The following STK3 variants were observed in gnomAD, a reference collection of about 807,000 sequenced individuals.
STK3 encodes serine/threonine kinase 3.
Under a neutral mutation model 58.0 loss-of-function variants are expected in STK3, and 41 were observed. The observed-to-expected ratio is 0.71, with a 90% CI of 0.55 to 0.92. STK3 has a LOEUF of 0.92. Among genes scored for constraint, STK3 ranks in the 40% least tolerant of loss-of-function variants. The pLI is 0.00. For missense variants in STK3, 479 were observed against 602.7 expected, an observed-to-expected ratio of 0.79 and a Z score of 2.15; for synonymous variants, 170 against 191.0, an observed-to-expected ratio of 0.89 and a Z score of 0.91.
chr8:98,812,250 T>TTA (rs1834276652), intron 1 of STK3, among the ~76,000 whole-genome samples: 1 of 152,244 alleles, frequency 6.6e-6, no homozygotes, highest in Non-Finnish European at 1.5e-5. Flanking sequence ...CATCGTCTTT[T>TTA]TATACTCTTA....
intron 3 of STK3, among the ~76,000 whole-genome samples, chr8:98,750,032 T>C (rs1346656988): frequency 5.9e-5 from 9 of 152,046 alleles, no homozygotes; most frequent in Admixed American, 5.9e-4. Flanking sequence ...AAACTACATA[T>C]AGTGATGTAT....
chr8:98,677,268 G>A (rs2130874594), intron 6 of STK3, among the ~76,000 whole-genome samples: 1 of 151,962 alleles, frequency 6.6e-6, no homozygotes. Context: ...TCTAAAATCA[G>A]ACTAAGTCTC....
At chr8:98,922,182 G>GC (rs1839592233) in intron 1 of STK3, among the ~76,000 whole-genome samples, 1 of 152,190 alleles carries the variant, frequency 6.6e-6, no homozygotes, top group African/African-American at 2.4e-5. Flanking sequence ...TTCTGGCATT[G>GC]CCCTTTCTTC....
At chr8:98,400,688 C>T (rs1820515591), downstream of STK3, among the ~76,000 whole-genome samples, 1 of 152,286 alleles carries the variant, frequency 6.6e-6, no homozygotes, top group East Asian at 1.9e-4. Flanking sequence ...AAATCTGCTA[C>T]AATAAAAGTC....
chr8:98,463,646 C>A (rs1563627544), intron 10 of STK3, among the ~76,000 whole-genome samples: 1 of 152,032 alleles, frequency 6.6e-6, no homozygotes. Flanking sequence ...CATATCTAGT[C>A]TACTATAAAA....
intron 3 of STK3, among the ~76,000 whole-genome samples, chr8:98,841,489 C>A (rs1835978917): frequency 6.6e-6 from 1 of 151,522 alleles, no homozygotes; most frequent in Non-Finnish European, 1.5e-5. Flanking sequence ...GGAACTATTT[C>A]AATAATTCTA....
intron 1 of STK3, among the ~76,000 whole-genome samples, chr8:98,921,981 AC>A: frequency 6.6e-6 from 1 of 152,202 alleles, no homozygotes; most frequent in East Asian, 1.9e-4. Flanking sequence ...AGCATAAGCC[AC>A]CACGCCCGGC....
chr8:98,407,757 T>TGTGTGC (rs869119517), intron 3 of STK3, among the ~76,000 whole-genome samples: 53 of 131,494 alleles, frequency 4.0e-4, no homozygotes, highest in African/African-American at 1.3e-3. Flanking sequence ...TGTGTGTGTG[T>TGTGTGC]GCGCGCGCGC....
chr8:98,546,693 G>C (rs1007281196), intron 9 of STK3, among the ~76,000 whole-genome samples: 1 of 152,138 alleles, frequency 6.6e-6, no homozygotes, highest in Non-Finnish European at 1.5e-5. Flanking sequence ...TATGGATGCA[G>C]AAAACTTACT....
intron 1 of STK3, among the ~76,000 whole-genome samples, chr8:98,793,520 C>T (rs1564006826): frequency 6.6e-6 from 1 of 152,066 alleles, no homozygotes. Context: ...CAGAGTGAGA[C>T]AGTCTCAAAA....
At chr8:98,709,926 A>AT (rs142232204) in intron 4 of STK3, among the ~76,000 whole-genome samples, 3,546 of 150,508 alleles carry the variant, frequency 0.024, 42 homozygotes, top group African/African-American at 0.031. Flanking sequence ...AGTTTTTGCC[A>AT]TTTTTTTTTT....
At chr8:98,619,679 A>G (rs1443330762) in intron 6 of STK3, among the ~76,000 whole-genome samples, 1 of 136,362 alleles carries the variant, frequency 7.3e-6, no homozygotes. Context: ...ACTTCTCAAA[A>G]GAAGACATTT....
At chr8:98,791,480 C>G (rs1486655215) in intron 1 of STK3, among the ~76,000 whole-genome samples, 1 of 152,134 alleles carries the variant, frequency 6.6e-6, no homozygotes, top group East Asian at 1.9e-4. Context: ...TCCTAAAACT[C>G]ATATGGAACC....
At chr8:98,364,865 C>T in the STK3 span, among the ~76,000 whole-genome samples, 2 of 152,346 alleles carry the variant, frequency 1.3e-5, no homozygotes, top group South Asian at 4.1e-4. Context: ...ATTTTCCACC[C>T]TCTCCCTGCT....
chr8:98,597,757 G>C (rs544538526), intron 6 of STK3: 102 of 984,778 alleles, frequency 1.0e-4, no homozygotes, highest in Non-Finnish European at 1.2e-4. Flanking sequence ...TTATAAACCC[G>C]GCTATTACAG....
chr8:98,357,775 C>G, the STK3 span, among the ~76,000 whole-genome samples: 1 of 152,190 alleles, frequency 6.6e-6, no homozygotes, highest in Non-Finnish European at 1.5e-5. Flanking sequence ...GTGAGTGGGT[C>G]CAGCTGAATC....
At chr8:98,737,106 T>C (rs1272479474) in intron 4 of STK3, among the ~76,000 whole-genome samples, 1 of 152,218 alleles carries the variant, frequency 6.6e-6, no homozygotes, top group Admixed American at 6.5e-5. Flanking sequence ...AATTTAAAGA[T>C]AAGCACAAAA....
chr8:98,369,897 A>G (rs1393948337), downstream of STK3, among the ~76,000 whole-genome samples: 1 of 152,008 alleles, frequency 6.6e-6, no homozygotes, highest in East Asian at 1.9e-4. Flanking sequence ...TTGGGCTTTC[A>G]TGGTGCCTAT....
intron 2 of STK3, among the ~76,000 whole-genome samples, chr8:98,435,175 T>C (rs2131082391): frequency 1.3e-5 from 2 of 152,312 alleles, no homozygotes; most frequent in Middle Eastern, 6.8e-3. Flanking sequence ...AAGACAGGAC[T>C]TCTGGGCTAC....
Sources: allele counts gnomAD v4.1 joint callset (sites outside exome capture counted in the v4.1 genomes callset), GRCh38; gene constraint gnomAD v4.1.1; transcripts MANE v1.5; gene names NCBI Gene and HGNC (gene_info 2026-07-23, HGNC 2026-07-21).